XIST: variants seen among roughly 807,000 people sequenced by gnomAD.
The protein encoded by XIST is X inactive specific transcript (non-protein coding).
At chrX:73,823,592 G>A (rs1446232940) in exon 6 of XIST, 5 of 556,157 alleles carry the variant, frequency 9.0e-6, no homozygotes, top group Non-Finnish European at 1.3e-5. Context: ...TACTTCTGTA[G>A]GCCAGGTCAA....
exon 1 of XIST, chrX:73,843,383 G>A (rs763323411): frequency 4.1e-4 from 226 of 557,058 alleles, no homozygotes; most frequent in Middle Eastern, 2.8e-3. Flanking sequence ...GCTATTAATT[G>A]TCCAAGAGCT....
intron 4 of XIST, among the ~76,000 whole-genome samples, chrX:73,830,216 T>C (rs1922352756): frequency 1.8e-5 from 2 of 111,932 alleles, no homozygotes; most frequent in South Asian, 7.5e-4. Flanking sequence ...ATGAGTACAA[T>C]AGATAGATCT....
intron 3 of XIST, among the ~76,000 whole-genome samples, chrX:73,831,579 G>C (rs141658505): frequency 2.7e-5 from 3 of 111,488 alleles, no homozygotes; most frequent in African/African-American, 9.8e-5. Context: ...ATTACTGAGC[G>C]ATCCTCTACA....
exon 6 of XIST, chrX:73,824,394 T>C (rs780247923): frequency 3.6e-6 from 2 of 550,281 alleles, no homozygotes; most frequent in East Asian, 6.5e-5. Context: ...CAGTTACATT[T>C]ATATGGTGCC....
chrX:73,851,155 C>CTG (rs1356343305), exon 1 of XIST: 1 of 558,209 alleles, frequency 1.8e-6, no homozygotes, highest in Non-Finnish European at 3.2e-6. Flanking sequence ...CAATCCAGCA[C>CTG]TGTCCATCCC....
chrX:73,821,045 T>C (rs1922099205), exon 6 of XIST: 1 of 558,985 alleles, frequency 1.8e-6, no homozygotes, highest in South Asian at 2.2e-5. Flanking sequence ...AAAGGAAGGC[T>C]TTTAGTTACT....
exon 6 of XIST, chrX:73,825,217 C>T (rs974174219): frequency 7.2e-6 from 4 of 556,968 alleles, no homozygotes; most frequent in Non-Finnish European, 1.3e-5. Context: ...GTTTTCGTTT[C>T]TGATACCTGG....
chrX:73,846,801 T>C (rs1400103131), exon 1 of XIST: 1 of 557,698 alleles, frequency 1.8e-6, no homozygotes, highest in Non-Finnish European at 3.2e-6. Flanking sequence ...GGAAGGATAC[T>C]GATGTAATTG....
chrX:73,847,244 G>A (rs924862561), exon 1 of XIST: 1 of 556,118 alleles, frequency 1.8e-6, no homozygotes, highest in Non-Finnish European at 3.2e-6. Flanking sequence ...TAATGCAAAT[G>A]GAGCAAGGAA....
At chrX:73,851,907 A>G in exon 1 of XIST, 2 of 558,149 alleles carry the variant, frequency 3.6e-6, no homozygotes, top group South Asian at 4.5e-5. Flanking sequence ...ACACTCACAC[A>G]CCACCAAATG....
At chrX:73,845,834 G>A (rs144751659) in exon 1 of XIST, 1 of 500,861 alleles carries the variant, frequency 2.0e-6, no homozygotes. Flanking sequence ...GGGGCGGGGG[G>A]AAGGCTTCCT....
At chrX:73,850,717 G>A in exon 1 of XIST, 1 of 253,234 alleles carries the variant, frequency 3.9e-6, no homozygotes, top group Non-Finnish European at 7.3e-6. Context: ...GGGGGGTGGG[G>A]AGGTGGGGGG....
intron 1 of XIST, among the ~76,000 whole-genome samples, chrX:73,838,115 C>T (rs1922519334): frequency 1.8e-5 from 2 of 111,120 alleles, no homozygotes; most frequent in Non-Finnish European, 3.8e-5. Flanking sequence ...GGCTGGAAAA[C>T]TTTAATAACA....
chrX:73,833,625 C>T (rs1922427951), intron 2 of XIST: 1 of 207,883 alleles, frequency 4.8e-6, no homozygotes, highest in East Asian at 8.5e-5. Flanking sequence ...CCAATACCGA[C>T]CTTAAGGGCT....
rs140473881 is a variant in XIST, at chrX:73,837,019, C to T, written n.11406+421G>A. Among the ~76,000 whole-genome samples, 7 of 111,743 alleles carry T rather than the reference C, an allele frequency of 6.3e-5. No individual in the cohort carries two copies. In the East Asian group the frequency reaches 1.7e-3, roughly 27 times the overall value. On this transcript the variant is annotated intron_variant and non_coding_transcript_variant, in intron 2 of 5. Coordinates refer to ENST00000429829, the Ensembl canonical transcript of XIST. ...CAATACATTGTGGAGAAAAGACATC[C>T]TGTGCAAAAGAATTCCAAATAATTT...
chrX:73,841,165 C>T, intron 1 of XIST: 1 of 311,458 alleles, frequency 3.2e-6, no homozygotes, highest in East Asian at 4.5e-5. Context: ...GAGCTGGGTC[C>T]ACAATATTAA....
In XIST at chrX:73,824,854, T is replaced by G. The variant is rs186950892; in HGVS notation, n.15047A>C. On this transcript the variant is annotated non_coding_transcript_exon_variant, in exon 6 of 6. Coordinates refer to ENST00000429829, the Ensembl canonical transcript of XIST. ...GTCTTGATTGTTTAAAATTAAGCAA[T>G]ATATCATTCCTTACATCTGAATAGT... is the stretch of plus-strand genomic sequence containing the variant. 11 of 556,293 alleles carry G rather than the reference T, an allele frequency of 2.0e-5. No individual in the cohort carries two copies. The East Asian group carries it at 3.6e-4, about 18-fold the overall frequency. 45.8% of individuals were successfully genotyped at this position (556,293 alleles called of 1,213,427 possible).
chrX:73,825,641 C>T (rs1480774067), exon 6 of XIST: 17 of 511,659 alleles, frequency 3.3e-5, no homozygotes, highest in Middle Eastern at 3.1e-4. Context: ...CTTATAAAAA[C>T]GTTGTTTAAA....
At chrX:73,850,055 T>C (rs1205993078) in exon 1 of XIST, 3 of 556,756 alleles carry the variant, frequency 5.4e-6, no homozygotes, top group East Asian at 3.3e-5. Context: ...GTCTGATAAG[T>C]AGGTGATTAG....
Sources: allele counts gnomAD v4.1 joint callset (sites outside exome capture counted in the v4.1 genomes callset), GRCh38; gene constraint gnomAD v4.1.1; transcripts MANE v1.5; gene names NCBI Gene and HGNC (gene_info 2026-07-23, HGNC 2026-07-21).